The following NCK2 variants were observed in gnomAD, a reference collection of about 807,000 sequenced individuals.
NCK2 encodes the protein cytoplasmic protein NCK2.
A neutral mutation model predicts 33.9 loss-of-function variants in NCK2; 16 were observed. The observed-to-expected ratio is 0.47, with a 90% CI of 0.32 to 0.72. The LOEUF (loss-of-function observed/expected upper bound fraction) is 0.72. NCK2 is among the 30% of genes least tolerant of loss of function. The probability of loss-of-function intolerance (pLI) is 0.03; values close to 1 mark genes in which losing one functional copy is unlikely to be tolerated. For synonymous variants in NCK2, 273 were observed against 239.9 expected, an observed-to-expected ratio of 1.14 and a Z score of -1.27; for missense variants, 418 against 537.3, an observed-to-expected ratio of 0.78 and a Z score of 2.19.
At chr2:105,758,921 A>G (rs1236570528) in intron 1 of NCK2, among the ~76,000 whole-genome samples, 1 of 152,208 alleles carries the variant, frequency 6.6e-6, no homozygotes, top group Non-Finnish European at 1.5e-5. Flanking sequence ...AAAACTAGTA[A>G]AATCATTATT....
chr2:105,779,282 G>A (rs1306080202), intron 1 of NCK2, among the ~76,000 whole-genome samples: 1 of 148,022 alleles, frequency 6.8e-6, no homozygotes, highest in Non-Finnish European at 1.5e-5. Context: ...ACTCCAGCCT[G>A]GGCAACAGGG....
intron 1 of NCK2, among the ~76,000 whole-genome samples, chr2:105,788,013 G>A (rs955590668): frequency 6.6e-6 from 1 of 151,672 alleles, no homozygotes; most frequent in Admixed American, 6.6e-5. Flanking sequence ...AATCAGAGTT[G>A]GGATGTGTCT....
chr2:105,890,239 C>T (rs528152727), intron 4 of NCK2, among the ~76,000 whole-genome samples: 2 of 152,262 alleles, frequency 1.3e-5, no homozygotes, highest in Admixed American at 6.5e-5. Flanking sequence ...TACAGGCACA[C>T]ACACACCATG....
chr2:105,855,756 G>C (rs1677238095), intron 3 of NCK2: 1 of 153,138 alleles, frequency 6.5e-6, no homozygotes, highest in Admixed American at 6.5e-5. Flanking sequence ...CGTTAGCTAA[G>C]AGGGCAGCTT....
At chr2:105,792,916 A>G (rs1202015674) in intron 1 of NCK2, among the ~76,000 whole-genome samples, 1 of 152,096 alleles carries the variant, frequency 6.6e-6, no homozygotes, top group South Asian at 2.1e-4. Context: ...CCAGGTGAGG[A>G]GAGTACTTGT....
At chr2:105,859,754 C>T (rs748028708) in intron 3 of NCK2, among the ~76,000 whole-genome samples, 2 of 152,074 alleles carry the variant, frequency 1.3e-5, no homozygotes, top group African/African-American at 2.4e-5. Flanking sequence ...ACGTAAGATC[C>T]AAAAGCAGTG....
rs866801745 is a variant in NCK2 at position 105,844,766 on chromosome 2, A to G, written c.-16-10282A>G. Among the ~76,000 whole-genome samples, 449 of 132,704 alleles carry G rather than the reference A, an allele frequency of 3.4e-3. 1 individual carries two copies. Among genetic ancestry groups the G allele is most frequent in the South Asian group, 6.6e-3 (27 of 4,062 alleles). The allele number at this position is 132,704 out of a possible 152,430, so 87.1% of individuals were successfully genotyped here. ...GGGGGGGATATATATATATATATAT[A>G]TATGTATGTATGTATATATGTATAT... On this transcript the variant is annotated intron_variant, in intron 2 of 4. Coordinates refer to ENST00000233154, the MANE Select transcript of NCK2 (RefSeq NM_003581.5).
At chr2:105,876,572 A>G (rs1678243545) in intron 3 of NCK2, among the ~76,000 whole-genome samples, 1 of 152,204 alleles carries the variant, frequency 6.6e-6, no homozygotes, top group Admixed American at 6.5e-5. Flanking sequence ...CTATGGTTTC[A>G]TTATGGTAGC....
At chr2:105,889,465 G>C (rs998652440) in intron 4 of NCK2, among the ~76,000 whole-genome samples, 1 of 152,160 alleles carries the variant, frequency 6.6e-6, no homozygotes, top group African/African-American at 2.4e-5. Flanking sequence ...TCCCCTGAAG[G>C]GCTTATTAAA....
chr2:105,857,338 G>A (rs1044310165), intron 3 of NCK2, among the ~76,000 whole-genome samples: 4 of 152,236 alleles, frequency 2.6e-5, no homozygotes, highest in African/African-American at 9.7e-5. Flanking sequence ...CACTGGGCCC[G>A]CGCCCGTCCC....
chr2:105,780,355 CACACACACAT>C (rs2104400698), intron 1 of NCK2, among the ~76,000 whole-genome samples: 1 of 149,520 alleles, frequency 6.7e-6, no homozygotes, highest in African/African-American at 2.5e-5. Context: ...CACACACACA[CACACACACAT>C]TCATCTAAAG....
intron 1 of NCK2, among the ~76,000 whole-genome samples, chr2:105,800,138 ATGTAGCCT>A (rs1674770225): frequency 6.6e-6 from 1 of 152,184 alleles, no homozygotes; most frequent in Non-Finnish European, 1.5e-5. Context: ...CAGTGCAGCC[ATGTAGCCT>A]GGCTGCACCG....
chr2:105,790,211 A>T lies in NCK2; in HGVS notation c.-200-26219A>T, dbSNP rs1314943505. ...TTAGACATAAAAGTAAACCGTTAGA[A>T]ATAGTGTGCATGTCATTAGGATCTG... On this transcript the variant is annotated intron_variant, in intron 1 of 4. Coordinates refer to ENST00000233154, the MANE Select transcript of NCK2 (RefSeq NM_003581.5). Among the ~76,000 whole-genome samples the T allele has an allele frequency of 2.6e-5, 4 of 152,244 alleles. No individual in the cohort carries two copies. In the East Asian group the frequency reaches 7.7e-4, roughly 29 times the overall value.
At chr2:105,803,843 T>A (rs900963290) in intron 1 of NCK2, among the ~76,000 whole-genome samples, 1 of 152,244 alleles carries the variant, frequency 6.6e-6, no homozygotes, top group South Asian at 2.1e-4. Context: ...AGGTCTCAGG[T>A]AGGGTCCGTT....
intron 1 of NCK2, among the ~76,000 whole-genome samples, chr2:105,760,327 CA>C (rs1689728685): frequency 1.3e-5 from 2 of 152,176 alleles, no homozygotes; most frequent in African/African-American, 4.8e-5. Flanking sequence ...TGGAGAAATG[CA>C]AATTCCGGGG....
intron 2 of NCK2, among the ~76,000 whole-genome samples, chr2:105,831,527 C>T (rs897528605): frequency 4.6e-5 from 7 of 151,500 alleles, no homozygotes; most frequent in Non-Finnish European, 7.4e-5. Context: ...AGTTTGGGGG[C>T]TTACATTTAA....
At chr2:105,766,478 C>A (rs1283294163) in intron 1 of NCK2, among the ~76,000 whole-genome samples, 1 of 152,100 alleles carries the variant, frequency 6.6e-6, no homozygotes, top group African/African-American at 2.4e-5. Context: ...CATACACCAG[C>A]CCCAGTGAAG....
intron 1 of NCK2, among the ~76,000 whole-genome samples, chr2:105,794,499 A>G (rs1416479286): frequency 6.6e-6 from 1 of 152,116 alleles, no homozygotes; most frequent in Non-Finnish European, 1.5e-5. Flanking sequence ...ATTGCAAACC[A>G]TATAAGTACT....
intron 2 of NCK2, among the ~76,000 whole-genome samples, chr2:105,817,194 A>G (rs114725966): frequency 1.5e-5 from 2 of 133,286 alleles, no homozygotes; most frequent in African/African-American, 2.8e-5. Context: ...AAAAAAACCT[A>G]CATCAAATGA....
Sources: gnomAD v4.1 joint callset for allele counts (sites outside exome capture counted in the v4.1 genomes callset) on GRCh38, gnomAD v4.1.1 for gene constraint, MANE v1.5 for transcripts, NCBI Gene and HGNC (gene_info 2026-07-23, HGNC 2026-07-21) for gene names.